Variants in KCNIP1 observed in about 807,000 individuals in gnomAD.
KCNIP1 encodes the protein potassium voltage-gated channel interacting protein 1.
Under a neutral mutation model 33.0 loss-of-function variants are expected in KCNIP1, and 18 were observed. The ratio of observed to expected loss-of-function variants is 0.55; its 90% CI spans 0.38 to 0.81. The LOEUF is 0.81. Ranked by LOEUF, KCNIP1 falls within the 30% of genes least tolerant of loss-of-function variation. KCNIP1 has a pLI of 0.00. For synonymous variants in KCNIP1, 93 were observed against 98.3 expected, an observed-to-expected ratio of 0.95 and a Z score of 0.32; for missense variants, 238 against 271.6, an observed-to-expected ratio of 0.88 and a Z score of 0.87.
chr5:170,411,708 G>C (rs1451437365), intron 1 of KCNIP1, among the ~76,000 whole-genome samples: 1 of 152,168 alleles, frequency 6.6e-6, no homozygotes, highest in African/African-American at 2.4e-5. Context: ...GTGCAGAGAG[G>C]GTTGCAGACA....
intron 1 of KCNIP1, among the ~76,000 whole-genome samples, chr5:170,715,566 CT>C (rs1763616878): frequency 1.3e-5 from 2 of 152,182 alleles, no homozygotes; most frequent in African/African-American, 4.8e-5. Flanking sequence ...GTATTCATCA[CT>C]GTGTGAGGCA....
rs1361605396 is a variant in KCNIP1, at chr5:170,720,398, T to C, written c.256+8T>C. On this transcript the variant is annotated splice_region_variant and intron_variant, in intron 3 of 7. Coordinates refer to ENST00000328939, the MANE Select transcript of KCNIP1 (RefSeq NM_014592.4). ...AGTTTTTCCCTCATGGAGGTGAGTC[T>C]GACCTTGAAATCTATCTTGCCCAGC... is the stretch of plus-strand genomic sequence containing the variant. 1.2e-6 allele frequency: 2 copies of C among 1,609,450 alleles called. No individual in the cohort carries two copies. The highest frequency in any genetic ancestry group is 1.3e-5 in the African/African-American group (1 of 74,876).
At chr5:170,576,349 G>T (rs886731193) in intron 1 of KCNIP1, among the ~76,000 whole-genome samples, 6 of 152,150 alleles carry the variant, frequency 3.9e-5, no homozygotes, top group Non-Finnish European at 7.3e-5. Context: ...TAAGCTATGT[G>T]GCCTTCTAAG....
intron 1 of KCNIP1, among the ~76,000 whole-genome samples, chr5:170,626,190 C>A (rs1412598960): frequency 2.0e-5 from 3 of 152,208 alleles, no homozygotes; most frequent in Non-Finnish European, 2.9e-5. Context: ...CTGTGCCACG[C>A]ATGCTCTAAT....
At chr5:170,487,237 G>T (rs1022652199) in intron 1 of KCNIP1, among the ~76,000 whole-genome samples, 22 of 152,180 alleles carry the variant, frequency 1.4e-4, no homozygotes, top group African/African-American at 5.1e-4. Context: ...TTCCCTGAAG[G>T]CCTTCAGCTG....
chr5:170,618,508 G>A (rs1191584312), intron 1 of KCNIP1, among the ~76,000 whole-genome samples: 146 of 95,784 alleles, frequency 1.5e-3, no homozygotes, highest in Non-Finnish European at 2.4e-3. Flanking sequence ...GGGAGGAAAG[G>A]AGGAAGGAAG....
rs767644844 is a variant in KCNIP1, at chr5:170,735,747, CT to C, written c.604-6del. ...TCAGAGTTCTAACCCTCTTGCCCTC[CT>C]TTTTTCCCAGGACGACAACATCATG... is the stretch of plus-strand genomic sequence containing the variant. On this transcript the variant is annotated splice_polypyrimidine_tract_variant and intron_variant, in intron 7 of 7. Transcript: ENST00000328939. 2 of 1,613,644 alleles carry C rather than the reference CT, an allele frequency of 1.2e-6. No individual in the cohort carries two copies. The highest frequency in any genetic ancestry group is 1.7e-5 in the Admixed American group (1 of 60,012).
intron 1 of KCNIP1, among the ~76,000 whole-genome samples, chr5:170,658,726 A>G (rs529255402): frequency 5.3e-5 from 8 of 152,214 alleles, no homozygotes; most frequent in Non-Finnish European, 1.0e-4. Flanking sequence ...AGCATGAGAC[A>G]TACTTGGTGA....
At chr5:170,397,701 T>C (rs1754797023) in intron 1 of KCNIP1, among the ~76,000 whole-genome samples, 1 of 152,120 alleles carries the variant, frequency 6.6e-6, no homozygotes. Flanking sequence ...TGTAAAATAT[T>C]TGAAGATATT....
At chr5:170,697,745 G>A (rs187114859) in intron 1 of KCNIP1, among the ~76,000 whole-genome samples, 110 of 152,254 alleles carry the variant, frequency 7.2e-4, no homozygotes, top group Non-Finnish European at 1.3e-3. Flanking sequence ...AGAAGTGCAA[G>A]ATGAATGTTT....
chr5:170,462,264 C>CAAAAAAAAAAAAAAAAAAAAAAATAACA (rs760686464), intron 1 of KCNIP1, among the ~76,000 whole-genome samples: 1 of 52,046 alleles, frequency 1.9e-5, no homozygotes, highest in Non-Finnish European at 3.5e-5. Context: ...AACAAATTAG[C>CAAAAAAAAAAAAAAAAAAAAAAATAACA]AAAAAAAAAA....
At chr5:170,479,287 T>A (rs562288248) in intron 1 of KCNIP1, among the ~76,000 whole-genome samples, 2 of 152,240 alleles carry the variant, frequency 1.3e-5, no homozygotes, top group Non-Finnish European at 1.5e-5. Context: ...CAGAGAAAAC[T>A]GGGGGAGAGG....
chr5:170,404,461 C>T (rs1296361460), intron 1 of KCNIP1, among the ~76,000 whole-genome samples: 2 of 152,104 alleles, frequency 1.3e-5, no homozygotes, highest in East Asian at 3.9e-4. Flanking sequence ...CTGGGCTGGG[C>T]TAGGCTGATC....
At chr5:170,361,647 A>G (rs1363445868) in intron 1 of KCNIP1, among the ~76,000 whole-genome samples, 1 of 152,156 alleles carries the variant, frequency 6.6e-6, no homozygotes, top group South Asian at 2.1e-4. Flanking sequence ...AACAACAGAA[A>G]TGTATTTCTC....
intron 1 of KCNIP1, among the ~76,000 whole-genome samples, chr5:170,460,390 G>A (rs1019623687): frequency 2.0e-5 from 3 of 152,034 alleles, no homozygotes; most frequent in African/African-American, 7.2e-5. Flanking sequence ...AACCAAAAAA[G>A]AAAACTACAG....
At chr5:170,654,418 C>T (rs765862129) in intron 1 of KCNIP1, among the ~76,000 whole-genome samples, 9 of 152,134 alleles carry the variant, frequency 5.9e-5, no homozygotes, top group Non-Finnish European at 1.2e-4. Flanking sequence ...ATGTACTATT[C>T]TAGTCACAAT....
intron 1 of KCNIP1, among the ~76,000 whole-genome samples, chr5:170,425,014 C>T (rs1755580864): frequency 6.6e-6 from 1 of 152,202 alleles, no homozygotes; most frequent in Admixed American, 6.5e-5. Flanking sequence ...TTCAACCTGT[C>T]ATTCAGACCT....
intron 1 of KCNIP1, among the ~76,000 whole-genome samples, chr5:170,621,326 G>C (rs753175450): frequency 3.3e-5 from 5 of 151,944 alleles, no homozygotes; most frequent in African/African-American, 7.3e-5. Context: ...GCTTTCCAGG[G>C]CTAGTGTAGA....
chr5:170,520,851 C>T (rs1561665157), intron 1 of KCNIP1, among the ~76,000 whole-genome samples: 1 of 152,096 alleles, frequency 6.6e-6, no homozygotes, highest in Non-Finnish European at 1.5e-5. Flanking sequence ...ACTCAGAAGC[C>T]GGGCAGTGCT....
Sources: gnomAD v4.1 joint callset for allele counts (sites outside exome capture counted in the v4.1 genomes callset) on GRCh38, gnomAD v4.1.1 for gene constraint, MANE v1.5 for transcripts, NCBI Gene and HGNC (gene_info 2026-07-23, HGNC 2026-07-21) for gene names.